Variants in BLMH observed in about 807,000 individuals in gnomAD.
The protein encoded by BLMH is bleomycin hydrolase.
In BLMH, 32 loss-of-function variants were observed where a neutral mutation model predicts 61.6. The observed-to-expected ratio is 0.52, with a 90% CI of 0.39 to 0.70. BLMH has a LOEUF of 0.70. BLMH is among the 30% of genes least tolerant of loss of function. The pLI is 0.00. For missense variants in BLMH, 460 were observed against 555.5 expected, an observed-to-expected ratio of 0.83 and a Z score of 1.73; for synonymous variants, 183 against 193.8, an observed-to-expected ratio of 0.94 and a Z score of 0.46.
Position 30,286,893 on chromosome 17 carries a change from C to A in BLMH, c.473G>T (p.Gly158Val). Residue 158 changes from glycine to valine, a missense_variant, in exon 5 of 12, where the codon GGT becomes GTT. Around this residue, in one of 5 missense-constraint regions of BLMH, gnomAD observed 310 missense variants for 371.1 expected, o/e 0.84. Transcript: ENST00000261714. ...AGGGAAGCATTTCTTAGGGATAACA[C>A]CATATTTTTCTAAAAGAAAACAAAT... ...DMLVNIVEKYGVIPKKCFPES... is the reference protein window; with the variant it reads ...DMLVNIVEKYVVIPKKCFPES... 6.3e-7 allele frequency: 1 copy of A among 1,579,532 alleles called. No individual in the cohort carries two copies. Among genetic ancestry groups the A allele is most frequent in the Non-Finnish European group, 8.7e-7 (1 of 1,151,826 alleles).
intron 10 of BLMH, 72 bp downstream of exon 10, chr17:30,271,199 T>C: frequency 1.8e-6 from 2 of 1,142,838 alleles, no homozygotes; most frequent in Middle Eastern, 2.0e-4. Flanking sequence ...GAAGCTTTGT[T>C]GGGTAAACAG....
intron 10 of BLMH, among the ~76,000 whole-genome samples, chr17:30,267,712 A>T (rs186287544): frequency 2.9e-4 from 44 of 152,334 alleles, no homozygotes; most frequent in Non-Finnish European, 4.6e-4. Context: ...CTATAGTGAC[A>T]CAGAGAGGGA....
At chr17:30,277,697 T>C (rs767490147) in intron 6 of BLMH, among the ~76,000 whole-genome samples, 2 of 152,242 alleles carry the variant, frequency 1.3e-5, no homozygotes. Context: ...ATACAAATGT[T>C]TTACACTATA....
chr17:30,289,244 A>C, intron 3 of BLMH, 129 bp downstream of exon 3: 2 of 466,792 alleles, frequency 4.3e-6, no homozygotes, highest in Non-Finnish European at 7.3e-6. Context: ...ATACTCTGGA[A>C]GTCAGAATAA....
Position 30,280,233 on chromosome 17 carries a change from G to C in BLMH, c.645+5155C>G, listed in dbSNP as rs537661755. Among the ~76,000 whole-genome samples the C allele has an allele frequency of 2.5e-4, 38 of 152,226 alleles. No homozygotes were observed. The South Asian group carries it at 6.0e-3, about 24-fold the overall frequency. On this transcript the variant is annotated intron_variant, in intron 6 of 11. Transcript: ENST00000261714. ...CTGACTTCTCATTGCCTATTGAATT[G>C]GGGCAAACTCTCATGCTAGTATTCT...
rs1908345835 is a variant in BLMH at position 30,273,823 on chromosome 17, TAA to T, written c.801+217_801+218del. Reference sequence around the variant, plus strand: ...TTAAAATGACTGCTGGCTTACAGTTTAAAAAGTCTCTGAAGAGGAACATTGTG... The same window carrying T: ...TTAAAATGACTGCTGGCTTACAGTTTAAAGTCTCTGAAGAGGAACATTGTG... On this transcript the variant is annotated intron_variant, in intron 7 of 11. Transcript: ENST00000261714. 36 of 594,566 alleles carry T rather than the reference TAA, an allele frequency of 6.1e-5. No homozygotes were observed. The South Asian group carries it at 6.1e-4, about 10-fold the overall frequency. 36.8% of individuals were successfully genotyped at this position (594,566 alleles called of 1,614,324 possible).
intron 10 of BLMH, among the ~76,000 whole-genome samples, chr17:30,269,422 C>T (rs1252597369): frequency 6.6e-6 from 1 of 151,962 alleles, no homozygotes; most frequent in Non-Finnish European, 1.5e-5. Context: ...CTCAGGTGAT[C>T]CTCCCGCCTC....
intron 5 of BLMH, 33 bp downstream of exon 5, chr17:30,286,781 A>G: frequency 6.7e-7 from 1 of 1,487,492 alleles, no homozygotes; most frequent in Non-Finnish European, 9.4e-7. Context: ...AAAGTACACT[A>G]AACTCAATCC....
Position 30,255,838 on chromosome 17 carries a change from A to G in BLMH, c.1217-6670T>C, listed in dbSNP as rs575565178. Among the ~76,000 whole-genome samples the G allele has an allele frequency of 4.6e-5, 7 of 152,348 alleles. No homozygotes were observed. In the East Asian group the frequency reaches 7.7e-4, roughly 17 times the overall value. ...CTTGAACCAGGCAGGCAGAGGTTGC[A>G]GTGAGCCAAGATTGCGCCACTGGAC... On this transcript the variant is annotated intron_variant, in intron 11 of 11. Coordinates refer to ENST00000261714, the MANE Select transcript of BLMH (RefSeq NM_000386.4).
intron 11 of BLMH, among the ~76,000 whole-genome samples, chr17:30,263,972 C>T (rs1908031263): frequency 6.6e-6 from 1 of 152,228 alleles, no homozygotes; most frequent in South Asian, 2.1e-4. Flanking sequence ...GGTCCTACCT[C>T]AGACCTGCCA....
chr17:30,272,570 T>C lies in BLMH; in HGVS notation c.1019A>G (p.Asp340Gly), dbSNP rs184963100. 1.2e-6 allele frequency: 2 copies of C among 1,614,148 alleles called. No individual in the cohort carries two copies. Among genetic ancestry groups the C allele is most frequent in the East Asian group, 4.5e-5 (2 of 44,882 alleles). ...AATTTCCTGCACTCACAGATTCATGTCACTGAGGCCCAGCTTGCTATTGAA... is the reference window on the plus strand; with the variant it reads ...AATTTCCTGCACTCACAGATTCATGCCACTGAGGCCCAGCTTGCTATTGAA... Reference protein sequence around the residue: ...KHFNSKLGLSDMNLYDHELVF... With the variant: ...KHFNSKLGLSGMNLYDHELVF... The change falls in exon 9 of 12, where the codon GAC (aspartate) becomes GGC (glycine). Residue 340 changes from aspartate (D) to glycine (G), a missense_variant. By Grantham distance (94) the Asp-to-Gly change is moderately conservative. Coordinates refer to ENST00000261714, the MANE Select transcript of BLMH (RefSeq NM_000386.4).
At chr17:30,264,327 T>C (rs1313849022) in intron 11 of BLMH, among the ~76,000 whole-genome samples, 1 of 152,178 alleles carries the variant, frequency 6.6e-6, no homozygotes, top group Non-Finnish European at 1.5e-5. Flanking sequence ...CAGATTTCAC[T>C]AAGAAGGATT....
chr17:30,275,368 T>G (rs1175106317), intron 6 of BLMH, among the ~76,000 whole-genome samples: 2 of 152,056 alleles, frequency 1.3e-5, no homozygotes, highest in Non-Finnish European at 2.9e-5. Context: ...TTTATAGAAA[T>G]GCAAAAACAA....
chr17:30,278,521 A>G (rs1418889678), intron 6 of BLMH, among the ~76,000 whole-genome samples: 1 of 152,118 alleles, frequency 6.6e-6, no homozygotes, highest in African/African-American at 2.4e-5. Flanking sequence ...CTGGCATATT[A>G]TACTTCTTAT....
Position 30,280,685 on chromosome 17 carries a change from C to T in BLMH, c.645+4703G>A, listed in dbSNP as rs1908562196. ...TAGAGATGGGGTCTCTCTGTGTTGGCCAGGCTGGTCTCAAGTTCCTGTGCT... is the reference window on the plus strand; with the variant it reads ...TAGAGATGGGGTCTCTCTGTGTTGGTCAGGCTGGTCTCAAGTTCCTGTGCT... On this transcript the variant is annotated intron_variant, in intron 6 of 11. Transcript: ENST00000261714. 1.3e-5 allele frequency among the ~76,000 whole-genome samples: 2 copies of T among 152,058 alleles called. 1 individual carries two copies. The highest frequency in any genetic ancestry group is 4.1e-4 in the South Asian group (2 of 4,828).
At position 30,272,734 on chromosome 17, in the gene BLMH, T is replaced by C. The variant is rs766182542; in HGVS notation, c.960+7A>G. 2.5e-6 allele frequency: 4 copies of C among 1,614,042 alleles called. No homozygotes were observed. Among genetic ancestry groups the C allele is most frequent in the South Asian group, 2.2e-5 (2 of 91,092 alleles). ...CCCAATGTGCAAAATACAGAAACAA[T>C]ACCAACCTCTCCATCTTTGATGGAG... is the stretch of plus-strand genomic sequence containing the variant. On this transcript the variant is annotated splice_region_variant and intron_variant, in intron 8 of 11. Transcript: ENST00000261714.
At chr17:30,285,526 A>G (rs1398154619) in intron 5 of BLMH, 46 bp from the exon 6 acceptor site, 1 of 1,492,752 alleles carries the variant, frequency 6.7e-7, no homozygotes, top group South Asian at 1.2e-5. Flanking sequence ...CCCGAATTCA[A>G]TTGTAAATGA....
chr17:30,261,573 T>C (rs186900730), intron 11 of BLMH, among the ~76,000 whole-genome samples: 1 of 152,358 alleles, frequency 6.6e-6, no homozygotes, highest in Admixed American at 6.5e-5. Context: ...AAATTGTCCA[T>C]GTTATTGACA....
At chr17:30,281,053 G>A (rs1400926929) in intron 6 of BLMH, among the ~76,000 whole-genome samples, 1 of 151,436 alleles carries the variant, frequency 6.6e-6, no homozygotes, top group Non-Finnish European at 1.5e-5. Flanking sequence ...ATGAAAGAAG[G>A]GCAAAGATCT....
Sources: allele counts gnomAD v4.1 joint callset (sites outside exome capture counted in the v4.1 genomes callset), GRCh38; gene constraint gnomAD v4.1.1; regional missense constraint gnomAD v4.1.1; transcripts MANE v1.5; gene names NCBI Gene and HGNC (gene_info 2026-07-23, HGNC 2026-07-21).